MARK3: variants seen among roughly 807,000 people sequenced by gnomAD.
MARK3 encodes the protein MAP/microtubule affinity-regulating kinase 3.
MARK3 carries 46 observed loss-of-function variants against 90.1 expected under a neutral mutation model. The observed-to-expected ratio is 0.51, with a 90% CI of 0.40 to 0.65. The LOEUF (loss-of-function observed/expected upper bound fraction) is 0.65. MARK3 is among the 30% of genes least tolerant of loss of function. The pLI is 0.00. For missense variants in MARK3, 818 were observed against 947.2 expected (o/e 0.86, Z 1.79); for synonymous variants, 321 against 332.6 (o/e 0.97, Z 0.38).
chr14:103,423,337 C>A lies in MARK3; in HGVS notation c.244-5050C>A, dbSNP rs530476743. Among the ~76,000 whole-genome samples, 12 of 151,892 alleles carry A rather than the reference C, an allele frequency of 7.9e-5. No homozygotes were observed. The South Asian group carries it at 2.5e-3, about 32-fold the overall frequency. On this transcript the variant is annotated intron_variant, in intron 2 of 17. Transcript: ENST00000429436. ...AGGATTTTTCTCCAGTGGGTGTTTG[C>A]TGTGGATTTGTTGGGAGAAGCCCAT...
chr14:103,458,204 T>A (rs1243411940), intron 6 of MARK3, among the ~76,000 whole-genome samples: 1 of 152,200 alleles, frequency 6.6e-6, no homozygotes, highest in South Asian at 2.1e-4. Context: ...ATGCCTGTAA[T>A]CCCAGCACTT....
At chr14:103,409,234 T>TG (rs11434062) in intron 2 of MARK3, among the ~76,000 whole-genome samples, 96,101 of 151,498 alleles carry the variant, frequency 0.63, 30,965 homozygotes, top group East Asian at 0.86. Context: ...CACTCGTAAG[T>TG]GGAGTTGAAC....
chr14:103,406,234 C>T (rs1214135848), intron 2 of MARK3, among the ~76,000 whole-genome samples: 4 of 143,106 alleles, frequency 2.8e-5, no homozygotes, highest in South Asian at 2.3e-4. Flanking sequence ...AGGGGGGTGT[C>T]GGGGGTTGGG....
At chr14:103,435,674 C>T (rs2092699291) in intron 3 of MARK3, among the ~76,000 whole-genome samples, 1 of 152,106 alleles carries the variant, frequency 6.6e-6, no homozygotes. Flanking sequence ...TCCCAAAGTG[C>T]TGGGATTACA....
At chr14:103,416,536 C>T (rs896536674) in intron 2 of MARK3, among the ~76,000 whole-genome samples, 4 of 152,122 alleles carry the variant, frequency 2.6e-5, no homozygotes, top group Admixed American at 6.5e-5. Context: ...TTCGGGAGGC[C>T]GAAGCGAGTG....
chr14:103,403,907 G>C (rs1219480235), intron 1 of MARK3, among the ~76,000 whole-genome samples: 3 of 152,170 alleles, frequency 2.0e-5, no homozygotes, highest in African/African-American at 7.2e-5. Context: ...ATCTAAAATA[G>C]ACATTTGCAA....
intron 2 of MARK3, among the ~76,000 whole-genome samples, chr14:103,420,502 AT>A (rs2092164770): frequency 6.6e-6 from 1 of 152,176 alleles, no homozygotes; most frequent in South Asian, 2.1e-4. Flanking sequence ...AAGTGCTGGG[AT>A]TAAAGGGATG....
chr14:103,399,248 T>C (rs374324868), intron 1 of MARK3, among the ~76,000 whole-genome samples: 1 of 152,332 alleles, frequency 6.6e-6, no homozygotes, highest in East Asian at 1.9e-4. Context: ...CATGCTTCTT[T>C]TATATGTGGG....
Position 103,448,936 on chromosome 14 carries a change from A to T in MARK3, c.315A>T (p.Arg105Ser). 1 of 1,571,148 alleles carries T rather than the reference A, an allele frequency of 6.4e-7. No homozygotes were observed. Among genetic ancestry groups the T allele is most frequent in the Non-Finnish European group, 8.7e-7 (1 of 1,155,336 alleles). ...TTTTTTAGCTCTTCAGAGAAGTAAGAATAATGAAGATTTTAAATCATCCCA... is the reference window on the plus strand; with the variant it reads ...TTTTTTAGCTCTTCAGAGAAGTAAGTATAATGAAGATTTTAAATCATCCCA... ...TSLQKLFREV[R>S]IMKILNHPNI... The change falls in exon 4 of 18, where the codon AGA (arginine) becomes AGT (serine). Residue 105 changes from arginine to serine, a missense_variant. Around this residue, in one of 3 missense-constraint regions of MARK3, gnomAD observed 157 missense variants for 158.7 expected, o/e 0.99. Coordinates refer to ENST00000429436, the MANE Select transcript of MARK3 (RefSeq NM_001128918.3).
intron 2 of MARK3, among the ~76,000 whole-genome samples, chr14:103,419,079 G>A (rs1167444448): frequency 6.6e-6 from 1 of 152,172 alleles, no homozygotes; most frequent in Non-Finnish European, 1.5e-5. Flanking sequence ...ACGAGGTCAG[G>A]AGATCGAGAC....
chr14:103,437,777 T>C (rs1233817570), intron 3 of MARK3, among the ~76,000 whole-genome samples: 2 of 152,122 alleles, frequency 1.3e-5, no homozygotes, highest in African/African-American at 2.4e-5. Context: ...CACAAACACA[T>C]GTCAGGAGTT....
Position 103,465,883 on chromosome 14 carries a change from G to A in MARK3, c.778-89G>A, listed in dbSNP as rs536385376. On this transcript the variant is annotated intron_variant, in intron 8 of 17. Transcript: ENST00000429436. ...AATATTTTTAACATTATATCAGTGC[G>A]GGGGGTTTCAGGGGGTTTTTTGTTG... 78 of 1,548,294 alleles carry A rather than the reference G, an allele frequency of 5.0e-5. 1 individual carries two copies. Among genetic ancestry groups the A allele is most frequent in the South Asian group, 4.4e-4 (37 of 84,494 alleles).
intron 12 of MARK3, among the ~76,000 whole-genome samples, chr14:103,470,524 C>G (rs1326012782): frequency 8.4e-6 from 1 of 119,532 alleles, no homozygotes; most frequent in Admixed American, 1.2e-4. Context: ...AGCGCGATCT[C>G]GGCTCACTGC....
In MARK3 at chr14:103,481,757, C is replaced by CTTTTTTTTTTTTTTTTTTTTTTTTT. The variant is rs71126030; in HGVS notation, c.1586+1270_1586+1294dup. On this transcript the variant is annotated intron_variant, in intron 14 of 17. Coordinates refer to ENST00000429436, the MANE Select transcript of MARK3 (RefSeq NM_001128918.3). ...CAGATAATGATTGATATAGGTATTT[C>CTTTTTTTTTTTTTTTTTTTTTTTTT]TTTTTTTTTTTTTTTTTTTTTTTTT... Among the ~76,000 whole-genome samples, 3 of 49,802 alleles carry CTTTTTTTTTTTTTTTTTTTTTTTTT rather than the reference C, an allele frequency of 6.0e-5. 1 individual carries two copies. The highest frequency in any genetic ancestry group is 8.7e-5 in the African/African-American group (1 of 11,528). The allele number at this position is 49,802 out of a possible 152,430, so 32.7% of individuals were successfully genotyped here. A position where few individuals can be genotyped will look rare whatever the true frequency, so the allele number is the denominator to read the frequency against.
At chr14:103,500,297 T>C in intron 17 of MARK3, 97 bp downstream of exon 17, 1 of 915,524 alleles carries the variant, frequency 1.1e-6, no homozygotes, top group Non-Finnish European at 1.6e-6. Flanking sequence ...ACTGTATTCC[T>C]GCTGTCTCTG....
intron 17 of MARK3, 118 bp downstream of exon 17, chr14:103,500,318 G>A (rs577993873): frequency 2.6e-6 from 2 of 755,216 alleles, no homozygotes; most frequent in Non-Finnish European, 4.2e-6. Flanking sequence ...TAGGAGTTAC[G>A]TAGAGAGGGT....
At chr14:103,473,107 G>A (rs1351948506) in intron 12 of MARK3, among the ~76,000 whole-genome samples, 1 of 152,188 alleles carries the variant, frequency 6.6e-6, no homozygotes, top group Non-Finnish European at 1.5e-5. Context: ...TTCCATGGAT[G>A]CCCATTCATA....
intron 3 of MARK3, among the ~76,000 whole-genome samples, chr14:103,445,503 G>T (rs2092972225): frequency 6.6e-6 from 1 of 152,058 alleles, no homozygotes; most frequent in Non-Finnish European, 1.5e-5. Context: ...ACCTCTCTTG[G>T]GATTCTTTGG....
intron 12 of MARK3, among the ~76,000 whole-genome samples, chr14:103,471,790 GA>G (rs1044264552): frequency 2.0e-4 from 29 of 145,820 alleles, no homozygotes; most frequent in Admixed American, 9.7e-4. Context: ...TTTAAAAAAT[GA>G]AAAAAAAAAT....
Sources: gnomAD v4.1 joint callset for allele counts (sites outside exome capture counted in the v4.1 genomes callset) on GRCh38, gnomAD v4.1.1 for gene constraint, gnomAD v4.1.1 regional missense constraint, MANE v1.5 for transcripts, NCBI Gene and HGNC (gene_info 2026-07-23, HGNC 2026-07-21) for gene names.